The following KCNK1 variants were observed in gnomAD, a reference collection of about 807,000 sequenced individuals.
KCNK1 encodes the protein potassium channel subfamily K member 1.
KCNK1 carries 10 observed loss-of-function variants against 22.2 expected under a neutral mutation model. That is an observed-to-expected ratio of 0.45 (90% CI 0.28 to 0.76). The LOEUF (loss-of-function observed/expected upper bound fraction) is 0.76, where lower values mean the gene tolerates loss of function less well. KCNK1 is among the 30% of genes least tolerant of loss of function. The probability of loss-of-function intolerance (pLI) is 0.14; values close to 1 mark genes in which losing one functional copy is unlikely to be tolerated. For missense variants in KCNK1, 378 were observed against 421.0 expected (o/e 0.90, Z 0.89); for synonymous variants, 200 against 186.4 (o/e 1.07, Z -0.60).
At chr1:233,656,446 C>T (rs900479283) in intron 1 of KCNK1, among the ~76,000 whole-genome samples, 3 of 152,160 alleles carry the variant, frequency 2.0e-5, no homozygotes, top group Admixed American at 6.5e-5. Context: ...TTACTGCAGG[C>T]AGTGTCAGCT....
chr1:233,631,948 G>A (rs1018563227), intron 1 of KCNK1, among the ~76,000 whole-genome samples: 8 of 152,284 alleles, frequency 5.3e-5, no homozygotes, highest in African/African-American at 1.9e-4. Flanking sequence ...CACTGCATTA[G>A]GCTTGACAGA....
intron 1 of KCNK1, among the ~76,000 whole-genome samples, chr1:233,633,870 A>G (rs1031302923): frequency 1.3e-5 from 2 of 152,218 alleles, no homozygotes; most frequent in African/African-American, 4.8e-5. Flanking sequence ...TGAGGGAGTG[A>G]AATTAACATA....
intron 1 of KCNK1, among the ~76,000 whole-genome samples, chr1:233,626,283 C>T (rs1344413264): frequency 1.3e-5 from 2 of 151,946 alleles, no homozygotes; most frequent in African/African-American, 2.4e-5. Flanking sequence ...GACCTGAGCC[C>T]CTGGCAATGT....
At chr1:233,645,797 A>G (rs1277089986) in intron 1 of KCNK1, among the ~76,000 whole-genome samples, 1 of 152,200 alleles carries the variant, frequency 6.6e-6, no homozygotes, top group Non-Finnish European at 1.5e-5. Context: ...TTAATCCAAG[A>G]GAAAAATCAC....
rs527273419 is a variant in KCNK1 at position 233,644,122 on chromosome 1, T to G, written c.356-22473T>G. On this transcript the variant is annotated intron_variant, in intron 1 of 2. Coordinates refer to ENST00000366621, the MANE Select transcript of KCNK1 (RefSeq NM_002245.4). ...CCAAGATCGAGGTACCAACTTCTGA[T>G]GAAGGCCTTCTTCCTGCATTCTCAC... Among the ~76,000 whole-genome samples, 5 of 152,340 alleles carry G rather than the reference T, an allele frequency of 3.3e-5. No homozygotes were observed. In the South Asian group the frequency reaches 1.0e-3, roughly 32 times the overall value.
chr1:233,669,805 T>C (rs7512790), intron 2 of KCNK1, among the ~76,000 whole-genome samples: 6,525 of 152,162 alleles, frequency 0.043, 201 homozygotes, highest in African/African-American at 0.086. Context: ...CAAAAAATAG[T>C]AATAAGAATA....
intron 1 of KCNK1, chr1:233,630,460 G>T (rs1657771832): frequency 6.6e-6 from 1 of 152,132 alleles, no homozygotes; most frequent in Non-Finnish European, 1.5e-5. Context: ...TCAGATTAAG[G>T]ATATCTGGCT....
At chr1:233,644,544 T>G (rs1658056892) in intron 1 of KCNK1, among the ~76,000 whole-genome samples, 1 of 152,148 alleles carries the variant, frequency 6.6e-6, no homozygotes, top group South Asian at 2.1e-4. Context: ...TGAGCATGAC[T>G]GGGGAGGGAG....
chr1:233,639,053 G>T (rs1200095471), intron 1 of KCNK1, among the ~76,000 whole-genome samples: 7 of 152,284 alleles, frequency 4.6e-5, no homozygotes, highest in Middle Eastern at 6.8e-3. Context: ...CCATGTGTGG[G>T]TTTGTCCTGG....
At chr1:233,655,704 C>G (rs1658279452) in intron 1 of KCNK1, 1 of 152,778 alleles carries the variant, frequency 6.5e-6, no homozygotes, top group South Asian at 1.8e-4. Flanking sequence ...CCTCCTTCTG[C>G]CTTGTGAGAT....
chr1:233,620,068 A>AG (rs1553263638), intron 1 of KCNK1, among the ~76,000 whole-genome samples: 7 of 152,302 alleles, frequency 4.6e-5, no homozygotes, highest in African/African-American at 1.4e-4. Context: ...ACAAAAAAAA[A>AG]GAAAAAGAAA....
intron 1 of KCNK1, among the ~76,000 whole-genome samples, chr1:233,643,911 C>T (rs991215601): frequency 6.6e-5 from 10 of 152,190 alleles, no homozygotes; most frequent in Admixed American, 3.3e-4. Flanking sequence ...TCCCACAATT[C>T]TCAGACAACT....
intron 1 of KCNK1, among the ~76,000 whole-genome samples, chr1:233,665,095 A>G (rs929581074): frequency 1.3e-5 from 2 of 152,214 alleles, no homozygotes; most frequent in African/African-American, 4.8e-5. Flanking sequence ...GTAGAAAGTA[A>G]AACAGACATG....
chr1:233,638,416 AAG>A (rs1657941218), intron 1 of KCNK1, among the ~76,000 whole-genome samples: 1 of 84,568 alleles, frequency 1.2e-5, no homozygotes, highest in African/African-American at 3.9e-5. Context: ...ATACCTAAAA[AAG>A]AGAGAAAAAA....
chr1:233,662,242 CTT>C (rs1658407741), intron 1 of KCNK1, among the ~76,000 whole-genome samples: 1 of 13,006 alleles, frequency 7.7e-5, no homozygotes, highest in African/African-American at 1.6e-4. Flanking sequence ...TCTTCTCCTT[CTT>C]CTTCTTCTTC....
intron 1 of KCNK1, among the ~76,000 whole-genome samples, chr1:233,624,894 A>C (rs1247296564): frequency 6.6e-6 from 1 of 152,130 alleles, no homozygotes; most frequent in Non-Finnish European, 1.5e-5. Context: ...AGGGAACAAA[A>C]CCACAAAAAT....
At chr1:233,645,664 G>A (rs1658080676) in intron 1 of KCNK1, among the ~76,000 whole-genome samples, 1 of 152,190 alleles carries the variant, frequency 6.6e-6, no homozygotes, top group Non-Finnish European at 1.5e-5. Context: ...GTTGCTTTAA[G>A]CCACTAAGTT....
intron 1 of KCNK1, among the ~76,000 whole-genome samples, chr1:233,663,841 G>T (rs923972412): frequency 6.7e-6 from 1 of 150,372 alleles, no homozygotes; most frequent in South Asian, 2.1e-4. Context: ...TTTTTTTTGC[G>T]GGGGGGTGGG....
chr1:233,649,698 G>A (rs1658165379), intron 1 of KCNK1, among the ~76,000 whole-genome samples: 1 of 152,106 alleles, frequency 6.6e-6, no homozygotes, highest in African/African-American at 2.4e-5. Context: ...TGATATAAGG[G>A]CACTAATCTC....
Sources: allele counts gnomAD v4.1 joint callset (sites outside exome capture counted in the v4.1 genomes callset), GRCh38; gene constraint gnomAD v4.1.1; transcripts MANE v1.5; gene names NCBI Gene and HGNC (gene_info 2026-07-23, HGNC 2026-07-21).